Variants in YIPF7 observed in about 807,000 individuals in gnomAD.
The protein encoded by YIPF7 is protein YIPF7.
In YIPF7, 35 loss-of-function variants were observed where a neutral mutation model predicts 27.2. The ratio of observed to expected loss-of-function variants is 1.29; its 90% confidence interval spans 0.98 to 1.70. YIPF7 has a LOEUF of 1.70. Among genes scored for constraint, YIPF7 ranks in the 40% most tolerant of loss-of-function variants. The pLI is 0.00. For missense variants in YIPF7, 358 were observed against 303.7 expected (o/e 1.18, Z -1.33); for synonymous variants, 137 against 110.4 (o/e 1.24, Z -1.51).
At chr4:44,640,726 T>C (rs542476363) in intron 2 of YIPF7, among the ~76,000 whole-genome samples, 1 of 152,320 alleles carries the variant, frequency 6.6e-6, no homozygotes, top group East Asian at 1.9e-4. Context: ...ACTCTCATCC[T>C]GCTCAAGTAG....
intron 2 of YIPF7, among the ~76,000 whole-genome samples, chr4:44,648,047 A>G (rs1713589194): frequency 6.6e-6 from 1 of 152,182 alleles, no homozygotes; most frequent in South Asian, 2.1e-4. Flanking sequence ...AATAAGTCAT[A>G]TGCTCACACT....
At chr4:44,647,452 T>C (rs1713566987) in intron 2 of YIPF7, among the ~76,000 whole-genome samples, 1 of 152,208 alleles carries the variant, frequency 6.6e-6, no homozygotes, top group Non-Finnish European at 1.5e-5. Context: ...TTAAGGCAAC[T>C]AGTTCCTTTC....
intron 2 of YIPF7, among the ~76,000 whole-genome samples, chr4:44,658,355 C>T (rs1300498648): frequency 6.6e-6 from 1 of 152,172 alleles, no homozygotes; most frequent in Admixed American, 6.5e-5. Context: ...TGCTGGCACC[C>T]TGATCTCAGC....
At chr4:44,623,048 A>G (rs1712497128) in intron 5 of YIPF7, among the ~76,000 whole-genome samples, 2 of 152,178 alleles carry the variant, frequency 1.3e-5, no homozygotes. Context: ...GTCGGACGTC[A>G]CAAAAAGCCT....
intron 2 of YIPF7, among the ~76,000 whole-genome samples, chr4:44,645,556 A>C (rs1291774891): frequency 6.6e-6 from 1 of 152,202 alleles, no homozygotes; most frequent in African/African-American, 2.4e-5. Flanking sequence ...AGAATATGCC[A>C]AGAAAATGTA....
rs1181586898 is a variant in YIPF7 at position 44,636,755 on chromosome 4, CTT to C, written c.117-672_117-671del. Among the ~76,000 whole-genome samples, 6 of 152,044 alleles carry C rather than the reference CTT, an allele frequency of 3.9e-5. No individual in the cohort carries two copies. The South Asian group carries it at 6.2e-4, about 16-fold the overall frequency. ...TATTATCTAGTTGGCTTTAGTGTCT[CTT>C]TATTTTATTTGTACAAATTTATGGG... is the stretch of plus-strand genomic sequence containing the variant. On this transcript the variant is annotated intron_variant, in intron 2 of 5. Coordinates refer to ENST00000415895, the MANE Select transcript of YIPF7 (RefSeq NM_182592.3).
intron 3 of YIPF7, among the ~76,000 whole-genome samples, chr4:44,633,092 C>T (rs1056426150): frequency 9.9e-5 from 15 of 152,206 alleles, no homozygotes; most frequent in African/African-American, 1.7e-4. Context: ...CTAGGCTGCA[C>T]GCTTGTTATG....
chr4:44,653,948 G>T (rs1347202939), upstream of YIPF7, among the ~76,000 whole-genome samples: 2 of 151,914 alleles, frequency 1.3e-5, no homozygotes, highest in Non-Finnish European at 2.9e-5. Context: ...TTGTGATGTT[G>T]TACTTTTCAA....
At chr4:44,636,338 T>C (rs140344529) in intron 2 of YIPF7, among the ~76,000 whole-genome samples, 1 of 152,304 alleles carries the variant, frequency 6.6e-6, no homozygotes, top group East Asian at 1.9e-4. Context: ...CTTCCCCTAA[T>C]CTTTTCTCAG....
rs148641293 is a variant in YIPF7 at position 44,647,107 on chromosome 4, G to A, written c.116+2878C>T. ...CAGTGTGAATCGGAATTTAAATGTT[G>A]CTGCATCCAAATCAGGACTTAGATT... On this transcript the variant is annotated intron_variant, in intron 2 of 5. Coordinates refer to ENST00000415895, the MANE Select transcript of YIPF7 (RefSeq NM_182592.3). 5.3e-5 allele frequency among the ~76,000 whole-genome samples: 8 copies of A among 152,202 alleles called. No individual in the cohort carries two copies. The East Asian group carries it at 1.4e-3, about 26-fold the overall frequency.
chr4:44,647,385 T>A (rs559002681), intron 2 of YIPF7, among the ~76,000 whole-genome samples: 1 of 152,300 alleles, frequency 6.6e-6, no homozygotes, highest in African/African-American at 2.4e-5. Flanking sequence ...AAAATATCAA[T>A]GCTACCCAAA....
intron 3 of YIPF7, among the ~76,000 whole-genome samples, chr4:44,632,350 C>T (rs938697845): frequency 3.3e-5 from 5 of 152,156 alleles, no homozygotes; most frequent in Non-Finnish European, 5.9e-5. Flanking sequence ...ATTAAGATCC[C>T]TACTTTCTAC....
chr4:44,656,265 A>G (rs953289032), upstream of YIPF7, among the ~76,000 whole-genome samples: 3 of 152,056 alleles, frequency 2.0e-5, no homozygotes, highest in Non-Finnish European at 4.4e-5. Flanking sequence ...TAGCAAATTG[A>G]TGTAATTAAT....
chr4:44,650,295 T>G (rs969050662), intron 1 of YIPF7, among the ~76,000 whole-genome samples, 194 bp from the exon 2 acceptor site: 4 of 152,168 alleles, frequency 2.6e-5, no homozygotes, highest in African/African-American at 9.7e-5. Context: ...ACAGAATGTG[T>G]TATCTTCAAC....
intron 2 of YIPF7, among the ~76,000 whole-genome samples, chr4:44,659,110 C>A (rs1713977339): frequency 6.6e-6 from 1 of 152,174 alleles, no homozygotes; most frequent in African/African-American, 2.4e-5. Context: ...CATGAGGAAG[C>A]CTGGGAACCT....
intron 2 of YIPF7, among the ~76,000 whole-genome samples, chr4:44,658,509 T>G (rs1285852634): frequency 6.6e-6 from 1 of 152,182 alleles, no homozygotes; most frequent in Non-Finnish European, 1.5e-5. Context: ...CCCACTACCC[T>G]GTTGTTATAA....
intron 2 of YIPF7, among the ~76,000 whole-genome samples, chr4:44,637,072 A>C (rs1713151985): frequency 6.6e-6 from 1 of 152,214 alleles, no homozygotes. Context: ...TGTTGTAAAT[A>C]ACATGATTTT....
At chr4:44,661,285 C>A (rs1491320) in intron 1 of YIPF7, among the ~76,000 whole-genome samples, 82,899 of 151,952 alleles carry the variant, frequency 0.55, 23,578 homozygotes, top group Non-Finnish European at 0.64. Flanking sequence ...TATACTTAGC[C>A]GGGCTTCTAA....
chr4:44,660,114 A>AAAAAAAAAAAAAAAAAAAAAC (rs1714005514), intron 2 of YIPF7, among the ~76,000 whole-genome samples: 1 of 50,988 alleles, frequency 2.0e-5, no homozygotes, highest in Admixed American at 2.1e-4. Flanking sequence ...ACTCTGTCTC[A>AAAAAAAAAAAAAAAAAAAAAC]AAAAAAAAAA....
Sources: allele counts gnomAD v4.1 joint callset (sites outside exome capture counted in the v4.1 genomes callset), GRCh38; gene constraint gnomAD v4.1.1; transcripts MANE v1.5; gene names NCBI Gene and HGNC (gene_info 2026-07-23, HGNC 2026-07-21).